Variants in TIAM1 observed in about 807,000 individuals in gnomAD.
The protein encoded by TIAM1 is rho guanine nucleotide exchange factor TIAM1.
A neutral mutation model predicts 163.5 loss-of-function variants in TIAM1; 65 were observed. The observed-to-expected ratio is 0.40, with a 90% CI of 0.33 to 0.49. The LOEUF (loss-of-function observed/expected upper bound fraction) is 0.49, where lower values mean the gene tolerates loss of function less well. Ranked by LOEUF, TIAM1 falls within the 20% of genes least tolerant of loss-of-function variation. TIAM1 has a pLI of 0.77. For missense variants in TIAM1, 1,789 were observed against 2,044.7 expected, an observed-to-expected ratio of 0.87 and a Z score of 2.41; for synonymous variants, 833 against 810.1, an observed-to-expected ratio of 1.03 and a Z score of -0.48.
chr21:31,164,049 C>T (rs1216672628), intron 16 of TIAM1, among the ~76,000 whole-genome samples: 6 of 151,952 alleles, frequency 3.9e-5, no homozygotes, highest in Non-Finnish European at 2.9e-5. Flanking sequence ...GTAAAAGAGG[C>T]TACTGACCCA....
At chr21:31,505,395 C>G (rs1010812264) in intron 1 of TIAM1, among the ~76,000 whole-genome samples, 10 of 151,960 alleles carry the variant, frequency 6.6e-5, no homozygotes, top group African/African-American at 2.2e-4. Flanking sequence ...ACTAGAAGAC[C>G]TGGAAACTGG....
chr21:31,461,523 G>A (rs1363466852), intron 2 of TIAM1, among the ~76,000 whole-genome samples: 1 of 152,098 alleles, frequency 6.6e-6, no homozygotes, highest in Non-Finnish European at 1.5e-5. Context: ...TGCTGAATTT[G>A]GGGACTGCCA....
In TIAM1 at chr21:31,335,807, CG is replaced by C. The variant is rs374691308; in HGVS notation, c.-189+3435del. Among the ~76,000 whole-genome samples the C allele has an allele frequency of 2.3e-3, 355 of 152,202 alleles. 5 individuals are homozygous for C. The South Asian group carries it at 0.029, about 12-fold the overall frequency. On this transcript the variant is annotated intron_variant, in intron 2 of 27. Coordinates refer to ENST00000541036, the MANE Select transcript of TIAM1 (RefSeq NM_001353694.2). ...AAATGTCTCTGTTTATATTCACAACCGGAGGTCAAGATGTGTGGGAACAGTC... is the reference window on the plus strand; with the variant it reads ...AAATGTCTCTGTTTATATTCACAACCGAGGTCAAGATGTGTGGGAACAGTC...
chr21:31,458,798 GT>G (rs1451913720), intron 2 of TIAM1, among the ~76,000 whole-genome samples: 1 of 152,176 alleles, frequency 6.6e-6, no homozygotes, highest in Non-Finnish European at 1.5e-5. Context: ...TTCAGCTTAG[GT>G]TCTCAGGGAA....
At chr21:31,280,946 C>T (rs1601811830) in intron 2 of TIAM1, among the ~76,000 whole-genome samples, 1 of 151,460 alleles carries the variant, frequency 6.6e-6, no homozygotes, top group Non-Finnish European at 1.5e-5. Flanking sequence ...GAGACACCCA[C>T]CTCTACAAAA....
chr21:31,423,853 TCGGGGGGGG>T (rs201769288), intron 2 of TIAM1, among the ~76,000 whole-genome samples: 195 of 7,638 alleles, frequency 0.026, 6 homozygotes, highest in African/African-American at 0.07. Flanking sequence ...TTAATGATTA[TCGGGGGGGG>T]CGGGGGGGGG....
At chr21:31,356,214 G>A (rs1346679543) in intron 2 of TIAM1, among the ~76,000 whole-genome samples, 1 of 152,192 alleles carries the variant, frequency 6.6e-6, no homozygotes, top group Non-Finnish European at 1.5e-5. Flanking sequence ...AGACATTTAT[G>A]TCAATAATAC....
At chr21:31,343,937 G>A (rs1569248768) in intron 1 of TIAM1, among the ~76,000 whole-genome samples, 1 of 152,224 alleles carries the variant, frequency 6.6e-6, no homozygotes, top group East Asian at 1.9e-4. Context: ...AACGCGCGCC[G>A]AGCCTCGGGG....
chr21:31,517,048 CAAAAAA>C (rs747446437), intron 1 of TIAM1, among the ~76,000 whole-genome samples: 1 of 65,392 alleles, frequency 1.5e-5, no homozygotes, highest in Non-Finnish European at 3.3e-5. Flanking sequence ...GACTCTGTCT[CAAAAAA>C]AAAAAAAAAA....
At chr21:31,149,764 C>T (rs1024008748) in intron 19 of TIAM1, among the ~76,000 whole-genome samples, 1 of 152,118 alleles carries the variant, frequency 6.6e-6, no homozygotes, top group African/African-American at 2.4e-5. Flanking sequence ...AACTACCAGG[C>T]CACATTATGT....
chr21:31,405,156 G>A (rs940445492), intron 2 of TIAM1, among the ~76,000 whole-genome samples: 5 of 152,168 alleles, frequency 3.3e-5, no homozygotes, highest in Non-Finnish European at 7.4e-5. Flanking sequence ...CTAAAGGCAG[G>A]AGGATCACTT....
chr21:31,347,035 TA>T (rs956882786), upstream of TIAM1, among the ~76,000 whole-genome samples: 5 of 152,158 alleles, frequency 3.3e-5, no homozygotes, highest in South Asian at 2.1e-4. Context: ...TGAATTTTCT[TA>T]AAGCCACATA....
chr21:31,489,618 A>T (rs998742339), intron 1 of TIAM1, among the ~76,000 whole-genome samples: 4 of 151,474 alleles, frequency 2.6e-5, no homozygotes, highest in Non-Finnish European at 5.9e-5. Context: ...GGTCTCTTGG[A>T]CCCATCATAC....
At chr21:31,439,934 A>G (rs2044359408) in intron 2 of TIAM1, among the ~76,000 whole-genome samples, 1 of 152,192 alleles carries the variant, frequency 6.6e-6, no homozygotes, top group South Asian at 2.1e-4. Context: ...ACTGAGATGG[A>G]ACAAAACCAT....
At position 31,119,405 on chromosome 21, in the gene TIAM1, C is replaced by T. The variant is rs1568852328; in HGVS notation, c.*963G>A. ...CCCTGCCATGTGCAACAGACACACA[C>T]ACCGCCCACCGGGGTGTCATGTTTA... On this transcript the variant is annotated 3_prime_UTR_variant, in exon 28 of 28. Transcript: ENST00000541036. 6.6e-6 allele frequency: 1 copy of T among 152,318 alleles called. No individual in the cohort carries two copies. The highest frequency in any genetic ancestry group is 1.5e-5 in the Non-Finnish European group (1 of 68,032). The allele number at this position is 152,318 out of a possible 1,614,324, so 9.4% of individuals were successfully genotyped here.
At chr21:31,549,120 CAG>C (rs1173232928) in intron 1 of TIAM1, among the ~76,000 whole-genome samples, 9 of 152,298 alleles carry the variant, frequency 5.9e-5, no homozygotes, top group African/African-American at 1.7e-4. Context: ...CTGAGTGATT[CAG>C]AGTTTTTTTA....
intron 1 of TIAM1, among the ~76,000 whole-genome samples, chr21:31,491,210 C>G (rs1295811583): frequency 6.6e-6 from 1 of 152,144 alleles, no homozygotes; most frequent in Non-Finnish European, 1.5e-5. Context: ...AACCTGAGGA[C>G]AGTGGAGTAG....
chr21:31,355,661 C>G (rs118052928), intron 2 of TIAM1, among the ~76,000 whole-genome samples: 6,358 of 152,102 alleles, frequency 0.042, 187 homozygotes, highest in Non-Finnish European at 0.062. Flanking sequence ...AAGCAATGCT[C>G]TTGCCTCCGC....
At chr21:31,406,732 A>T (rs2077254053) in intron 2 of TIAM1, among the ~76,000 whole-genome samples, 1 of 152,248 alleles carries the variant, frequency 6.6e-6, no homozygotes, top group Non-Finnish European at 1.5e-5. Context: ...CTTACGAGTC[A>T]CAAATAAAAC....
Sources: allele counts gnomAD v4.1 joint callset (sites outside exome capture counted in the v4.1 genomes callset), GRCh38; gene constraint gnomAD v4.1.1; transcripts MANE v1.5; gene names NCBI Gene and HGNC (gene_info 2026-07-23, HGNC 2026-07-21).